The following PPP2R3A variants were observed in gnomAD, a reference collection of about 807,000 sequenced individuals.
PPP2R3A encodes serine/threonine-protein phosphatase 2A regulatory subunit B'' subunit alpha.
In PPP2R3A, 80 loss-of-function variants were observed where a neutral mutation model predicts 106.9. That is an observed-to-expected ratio of 0.75 (90% CI 0.62 to 0.90). The LOEUF (loss-of-function observed/expected upper bound fraction) is 0.90, where lower values mean the gene tolerates loss of function less well. Ranked by LOEUF, PPP2R3A falls within the 40% of genes least tolerant of loss-of-function variation. PPP2R3A has a pLI of 0.00. For synonymous variants in PPP2R3A, 483 were observed against 468.3 expected (o/e 1.03, Z -0.41); for missense variants, 1,386 against 1,350.4 (o/e 1.03, Z -0.41).
At chr3:136,043,130 T>TA (rs879738665) in intron 4 of PPP2R3A, among the ~76,000 whole-genome samples, 124 of 145,522 alleles carry the variant, frequency 8.5e-4, no homozygotes, top group African/African-American at 7.3e-4. Context: ...TACATAATCT[T>TA]AAAAAAAAAA....
At chr3:135,985,580 A>G (rs1576412130) in intron 1 of PPP2R3A, among the ~76,000 whole-genome samples, 1 of 152,192 alleles carries the variant, frequency 6.6e-6, no homozygotes, top group East Asian at 1.9e-4. Flanking sequence ...CACCTAATGT[A>G]TAACCGTTCC....
chr3:135,987,515 G>A (rs1210171806), intron 1 of PPP2R3A, among the ~76,000 whole-genome samples: 2 of 152,072 alleles, frequency 1.3e-5, no homozygotes, highest in Admixed American at 6.6e-5. Flanking sequence ...GCTCTGGAGG[G>A]AGACACTACC....
chr3:135,991,484 T>TTATATAATAAAGAATTTTTTAAAATTAGA (rs1309593834), intron 1 of PPP2R3A, among the ~76,000 whole-genome samples: 1 of 152,200 alleles, frequency 6.6e-6, no homozygotes, highest in African/African-American at 2.4e-5. Flanking sequence ...GGTAAAAGTT[T>TTATATAATAAAGAATTTTTTAAAATTAGA]AACCCCAAAT....
intron 13 of PPP2R3A, among the ~76,000 whole-genome samples, chr3:136,126,250 A>G (rs917283977): frequency 6.6e-6 from 1 of 152,168 alleles, no homozygotes; most frequent in African/African-American, 2.4e-5. Context: ...ACCTGGAAAA[A>G]CGGGACACTC....
chr3:136,089,362 T>A (rs561293763), intron 9 of PPP2R3A, among the ~76,000 whole-genome samples: 1 of 152,300 alleles, frequency 6.6e-6, no homozygotes, highest in South Asian at 2.1e-4. Context: ...TGTTTGTTTT[T>A]ATCGACTTTG....
chr3:136,094,390 G>A (rs1434646567), intron 10 of PPP2R3A, among the ~76,000 whole-genome samples: 2 of 152,010 alleles, frequency 1.3e-5, no homozygotes, highest in Admixed American at 1.3e-4. Flanking sequence ...ATTTTGGTAA[G>A]CCTGTTTAAA....
chr3:136,054,352 G>A (rs1282674955), intron 5 of PPP2R3A, among the ~76,000 whole-genome samples: 4 of 148,364 alleles, frequency 2.7e-5, no homozygotes, highest in African/African-American at 4.9e-5. Flanking sequence ...TCCGCCTCCC[G>A]GGTTCAAGCA....
chr3:136,067,739 A>G (rs1232290848), intron 5 of PPP2R3A, among the ~76,000 whole-genome samples: 1 of 152,230 alleles, frequency 6.6e-6, no homozygotes, highest in East Asian at 1.9e-4. Flanking sequence ...AATGTACACA[A>G]TGAAATACTA....
rs183995184 is a variant in PPP2R3A, at chr3:136,094,282, C to T, written c.2927+3615C>T. Among the ~76,000 whole-genome samples the T allele has an allele frequency of 9.9e-5, 15 of 151,988 alleles. No homozygotes were observed. The East Asian group carries it at 2.7e-3, about 27-fold the overall frequency. ...TCTTTTTGTAGGTGATGAAAGTGTC[C>T]CTATATTAATTGTAGTGATGGTTAT... is the stretch of plus-strand genomic sequence containing the variant. On this transcript the variant is annotated intron_variant, in intron 10 of 13. Coordinates refer to ENST00000264977, the MANE Select transcript of PPP2R3A (RefSeq NM_002718.5).
At chr3:136,000,151 C>T (rs1245040334) in intron 1 of PPP2R3A, among the ~76,000 whole-genome samples, 1 of 152,160 alleles carries the variant, frequency 6.6e-6, no homozygotes, top group African/African-American at 2.4e-5. Context: ...TAAAACAGCA[C>T]CCTCCCAGCA....
chr3:136,069,904 A>G, intron 5 of PPP2R3A, among the ~76,000 whole-genome samples: 1 of 152,250 alleles, frequency 6.6e-6, no homozygotes, highest in Admixed American at 6.5e-5. Flanking sequence ...GAACAAGATT[A>G]AAGATTTAAA....
intron 3 of PPP2R3A, among the ~76,000 whole-genome samples, chr3:136,030,063 T>A (rs552155328): frequency 2.0e-5 from 3 of 152,046 alleles, no homozygotes; most frequent in African/African-American, 7.2e-5. Flanking sequence ...AATAATTTTT[T>A]AAAAATTGCC....
At chr3:136,030,847 T>C (rs983596943) in intron 3 of PPP2R3A, among the ~76,000 whole-genome samples, 31 of 148,022 alleles carry the variant, frequency 2.1e-4, no homozygotes, top group South Asian at 8.7e-4. Context: ...CACACACACA[T>C]GCCCCAGTTT....
chr3:135,978,158 AG>A (rs1937472021), intron 1 of PPP2R3A, among the ~76,000 whole-genome samples: 1 of 152,242 alleles, frequency 6.6e-6, no homozygotes, highest in South Asian at 2.1e-4. Context: ...TTATAAAGTT[AG>A]AAACATCAGC....
intron 6 of PPP2R3A, among the ~76,000 whole-genome samples, chr3:136,076,092 A>G (rs889928371): frequency 2.6e-5 from 4 of 152,236 alleles, no homozygotes; most frequent in Admixed American, 6.5e-5. Context: ...AATCCTGTCA[A>G]CTTCTTCCTA....
At chr3:136,055,731 T>C (rs1402647377) in intron 5 of PPP2R3A, 1 of 697,058 alleles carries the variant, frequency 1.4e-6, no homozygotes, top group East Asian at 2.5e-5. Flanking sequence ...TACCACTACT[T>C]GGGAAATCAT....
chr3:135,973,526 G>T (rs989139532), intron 1 of PPP2R3A, among the ~76,000 whole-genome samples: 1 of 152,096 alleles, frequency 6.6e-6, no homozygotes, highest in East Asian at 1.9e-4. Flanking sequence ...TGGAGAGATT[G>T]CAGCTATCCA....
At chr3:136,105,070 A>G (rs1192448669) in intron 12 of PPP2R3A, among the ~76,000 whole-genome samples, 1 of 152,240 alleles carries the variant, frequency 6.6e-6, no homozygotes, top group Admixed American at 6.5e-5. Context: ...GATGGCAGAG[A>G]TACAAGAACA....
At chr3:135,994,467 A>G (rs1933308034) in intron 1 of PPP2R3A, among the ~76,000 whole-genome samples, 1 of 152,120 alleles carries the variant, frequency 6.6e-6, no homozygotes, top group Non-Finnish European at 1.5e-5. Flanking sequence ...CAGACTTTCA[A>G]ACAGTCCCCC....
Sources: allele counts gnomAD v4.1 joint callset (sites outside exome capture counted in the v4.1 genomes callset), GRCh38; gene constraint gnomAD v4.1.1; transcripts MANE v1.5; gene names NCBI Gene and HGNC (gene_info 2026-07-23, HGNC 2026-07-21).